Variants in PXDN observed in about 807,000 individuals in gnomAD.
The protein encoded by PXDN is peroxidasin, also known as peroxidasin homolog.
PXDN carries 77 observed loss-of-function variants against 140.3 expected under a neutral mutation model. That is an observed-to-expected ratio of 0.55 (90% CI 0.46 to 0.66). The LOEUF is 0.66. PXDN is among the 30% of genes least tolerant of loss of function. PXDN has a pLI of 0.00. For synonymous variants in PXDN, 911 were observed against 857.4 expected (o/e 1.06, Z -1.09); for missense variants, 1,838 against 2,039.5 (o/e 0.90, Z 1.90).
chr2:1,716,683 T>G (rs1251408173), intron 1 of PXDN, among the ~76,000 whole-genome samples: 5 of 152,056 alleles, frequency 3.3e-5, no homozygotes, highest in Non-Finnish European at 7.4e-5. Flanking sequence ...AATCACGTGG[T>G]GGGGCCCACA....
At chr2:1,667,833 C>T (rs1263786424) in intron 9 of PXDN, among the ~76,000 whole-genome samples, 1 of 152,130 alleles carries the variant, frequency 6.6e-6, no homozygotes, top group Non-Finnish European at 1.5e-5. Context: ...ACATTCCGTG[C>T]TCATGGACAG....
At chr2:1,711,342 C>T (rs1297784451) in intron 1 of PXDN, among the ~76,000 whole-genome samples, 1 of 45,442 alleles carries the variant, frequency 2.2e-5, no homozygotes, top group African/African-American at 5.7e-5. Context: ...CCACCAGCAC[C>T]CACTCTCCAC....
chr2:1,676,025 C>G (rs1683698366), intron 8 of PXDN, among the ~76,000 whole-genome samples: 1 of 152,150 alleles, frequency 6.6e-6, no homozygotes, highest in Non-Finnish European at 1.5e-5. Context: ...GGATTCCTTT[C>G]AAAAGGTCAC....
At chr2:1,681,243 A>G (rs745882612) in intron 6 of PXDN, among the ~76,000 whole-genome samples, 2 of 151,784 alleles carry the variant, frequency 1.3e-5, no homozygotes, top group Non-Finnish European at 2.9e-5. Flanking sequence ...GTGGAATTCA[A>G]TCTGTGAGGC....
intron 7 of PXDN, among the ~76,000 whole-genome samples, chr2:1,679,176 GTGTGCGTGTA>G (rs1348007202): frequency 1.3e-5 from 2 of 149,834 alleles, no homozygotes; most frequent in Non-Finnish European, 3.0e-5. Flanking sequence ...AGTGTGTGGT[GTGTGCGTGTA>G]TGTGCGTGTG....
intron 1 of PXDN, among the ~76,000 whole-genome samples, chr2:1,704,627 GA>G (rs1285584498): frequency 2.0e-3 from 143 of 70,566 alleles, no homozygotes; most frequent in East Asian, 6.3e-3. Flanking sequence ...TAAAGGGGGG[GA>G]CAACTCCAGG....
intron 8 of PXDN, among the ~76,000 whole-genome samples, 159 bp from the exon 9 acceptor site, chr2:1,673,971 C>T (rs1315539781): frequency 6.6e-6 from 1 of 152,200 alleles, no homozygotes; most frequent in African/African-American, 2.4e-5. Context: ...CCTGACCTAA[C>T]AGGCAATTCT....
intron 1 of PXDN, among the ~76,000 whole-genome samples, chr2:1,716,993 C>T (rs1307415059): frequency 6.6e-6 from 1 of 152,200 alleles, no homozygotes; most frequent in Non-Finnish European, 1.5e-5. Context: ...TGCTCTCTGA[C>T]CCACTCTCAA....
intron 1 of PXDN, among the ~76,000 whole-genome samples, chr2:1,697,612 C>CG (rs5828887): frequency 1.1e-4 from 16 of 152,034 alleles, no homozygotes; most frequent in African/African-American, 3.4e-4. Flanking sequence ...ATAATCCTAA[C>CG]GGGGGGGGAA....
intron 1 of PXDN, among the ~76,000 whole-genome samples, chr2:1,732,353 G>A (rs1290337830): frequency 6.6e-6 from 1 of 152,156 alleles, no homozygotes; most frequent in African/African-American, 2.4e-5. Context: ...TGAGCCCTGA[G>A]CTGCACAAAC....
At chr2:1,684,249 T>C (rs773925639) in intron 4 of PXDN, 98 bp from the exon 5 acceptor site, 21 of 865,366 alleles carry the variant, frequency 2.4e-5, no homozygotes, top group Non-Finnish European at 3.5e-5. Context: ...CAAATTCAGA[T>C]ATCAATAGAT....
chr2:1,657,540 C>T (rs1683174724), intron 14 of PXDN, among the ~76,000 whole-genome samples: 1 of 151,926 alleles, frequency 6.6e-6, no homozygotes, highest in African/African-American at 2.4e-5. Flanking sequence ...GGGACCTGCC[C>T]TCTCGTGACA....
At chr2:1,666,977 T>C (rs901731355) in intron 9 of PXDN, among the ~76,000 whole-genome samples, 1 of 152,174 alleles carries the variant, frequency 6.6e-6, no homozygotes, top group African/African-American at 2.4e-5. Flanking sequence ...CAATTATGAA[T>C]GTGTTTCATG....
intron 1 of PXDN, among the ~76,000 whole-genome samples, chr2:1,727,689 C>A (rs903271977): frequency 2.6e-5 from 4 of 152,356 alleles, no homozygotes; most frequent in African/African-American, 9.6e-5. Flanking sequence ...CAACCCCCTG[C>A]CCACCAGACC....
chr2:1,731,585 A>G (rs1685316032), intron 1 of PXDN, among the ~76,000 whole-genome samples: 1 of 152,188 alleles, frequency 6.6e-6, no homozygotes, highest in Admixed American at 6.5e-5. Flanking sequence ...GTTCTTACCA[A>G]GCCAGACTAA....
Position 1,648,306 on chromosome 2 carries a change from G to T in PXDN, c.3474C>A (p.Asn1158Lys). ...HTVALDLAAI[N>K]IQRGRDHGIP... ...TCCCGTGGTCCCGGCCCCGCTGGAT[G>T]TTGATGGCCGCCAGGTCCAGAGCCA... is the stretch of plus-strand genomic sequence containing the variant. The change falls in exon 17 of 23, where the codon AAC becomes AAA. Residue 1158 changes from asparagine (N) to lysine (K), a missense_variant. By Grantham distance (94) the Asn-to-Lys change is moderately conservative. This residue lies in a region of PXDN where 850 missense variants were observed against 894.1 expected (regional missense o/e 0.95). Coordinates refer to ENST00000252804, the MANE Select transcript of PXDN (RefSeq NM_012293.3). The surrounding 1 kb of genome is among the most constrained non-coding windows in gnomAD (Gnocchi z 8.9). The T allele has an allele frequency of 6.2e-7, 1 of 1,613,920 alleles. No individual in the cohort carries two copies. Among genetic ancestry groups the T allele is most frequent in the East Asian group, 2.2e-5 (1 of 44,854 alleles).
chr2:1,698,124 A>T (rs550648880), intron 1 of PXDN, among the ~76,000 whole-genome samples: 1 of 152,174 alleles, frequency 6.6e-6, no homozygotes, highest in South Asian at 2.1e-4. Flanking sequence ...TGGGGCCCTA[A>T]ACCATAAAGC....
rs1250440999 is a variant in PXDN, at chr2:1,673,672, T to C, written c.989A>G (p.Glu330Gly). The change falls in exon 9 of 23, where the codon GAG becomes GGG. Residue 330 changes from glutamate (E) to glycine (G), a missense_variant. Physicochemically the swap from Glu to Gly is moderately conservative, Grantham distance 98 (BLOSUM62 -2). Coordinates refer to ENST00000252804, the MANE Select transcript of PXDN (RefSeq NM_012293.3). ...AGACCCGAAGTACCTGAGGGTCACC[T>C]CTTGCGTCTTCACCTCTCCGGCCAC... Reference protein sequence around the residue: ...KNVAGEVKTQEVTLRYFGSPA... With the variant: ...KNVAGEVKTQGVTLRYFGSPA... 2 of 1,613,860 alleles carry C rather than the reference T, an allele frequency of 1.2e-6. No homozygotes were observed. Among genetic ancestry groups the C allele is most frequent in the Non-Finnish European group, 1.7e-6 (2 of 1,179,790 alleles).
intron 6 of PXDN, 89 bp from the exon 7 acceptor site, chr2:1,680,451 G>T (rs1001772908): frequency 1.1e-5 from 17 of 1,495,264 alleles, no homozygotes; most frequent in Admixed American, 1.7e-5. Context: ...TCCCGCGTCG[G>T]GAAACATGTG....
Sources: allele counts gnomAD v4.1 joint callset (sites outside exome capture counted in the v4.1 genomes callset), GRCh38; gene constraint gnomAD v4.1.1; regional missense constraint gnomAD v4.1.1; non-coding constraint Gnocchi (gnomAD v3.1); transcripts MANE v1.5; gene names NCBI Gene and HGNC (gene_info 2026-07-23, HGNC 2026-07-21).